Variants in GAREM1 observed in about 807,000 individuals in gnomAD.
GAREM1 encodes the protein GRB2-associated and regulator of MAPK protein 1.
Under a neutral mutation model 71.3 loss-of-function variants are expected in GAREM1, and 26 were observed. The observed-to-expected ratio is 0.36, with a 90% CI of 0.27 to 0.51. The LOEUF (loss-of-function observed/expected upper bound fraction) is 0.51. Among genes scored for constraint, GAREM1 ranks in the 20% least tolerant of loss-of-function variants. The pLI, the probability that GAREM1 is intolerant of heterozygous loss-of-function variation, is 0.95. For synonymous variants in GAREM1, 440 were observed against 433.2 expected, an observed-to-expected ratio of 1.02 and a Z score of -0.20; for missense variants, 1,026 against 1,103.1, an observed-to-expected ratio of 0.93 and a Z score of 0.99.
intron 2 of GAREM1, among the ~76,000 whole-genome samples, chr18:32,389,743 T>C (rs1355827183): frequency 6.6e-6 from 1 of 152,158 alleles, no homozygotes; most frequent in African/African-American, 2.4e-5. Flanking sequence ...GTCTCCACAA[T>C]GTACTATATG....
intron 2 of GAREM1, among the ~76,000 whole-genome samples, chr18:32,318,791 G>T (rs2047404402): frequency 6.6e-6 from 1 of 152,308 alleles, no homozygotes; most frequent in South Asian, 2.1e-4. Context: ...GTGTCCATCT[G>T]TGGACCCACA....
chr18:32,275,998 G>A (rs2041537507), intron 4 of GAREM1, among the ~76,000 whole-genome samples: 1 of 152,174 alleles, frequency 6.6e-6, no homozygotes, highest in South Asian at 2.1e-4. Context: ...TTTCTAAAAT[G>A]TTCAGTGTTT....
intron 2 of GAREM1, among the ~76,000 whole-genome samples, chr18:32,374,847 G>A (rs934525133): frequency 1.3e-5 from 2 of 152,138 alleles, no homozygotes; most frequent in African/African-American, 4.8e-5. Flanking sequence ...GAACTTTCAG[G>A]AAAGTAGCAG....
rs919794727 is a variant in GAREM1, at chr18:32,308,458, G to T, written c.393+1735C>A. On this transcript the variant is annotated intron_variant, in intron 3 of 5. Transcript: ENST00000269209. ...AAAAATCACTTAAAAATTTACATTT[G>T]ATTTCTTTATTAGCAAATGAAATAT... Among the ~76,000 whole-genome samples, 6 of 149,824 alleles carry T rather than the reference G, an allele frequency of 4.0e-5. 1 individual carries two copies. The highest frequency in any genetic ancestry group is 1.5e-4 in the African/African-American group (6 of 40,400).
intron 1 of GAREM1, among the ~76,000 whole-genome samples, chr18:32,467,128 C>T (rs770279905): frequency 2.0e-5 from 3 of 152,136 alleles, no homozygotes; most frequent in Non-Finnish European, 2.9e-5. Context: ...GACACATCTA[C>T]GTTACTAGGC....
chr18:32,403,013 G>A (rs926068729), intron 1 of GAREM1, among the ~76,000 whole-genome samples: 7 of 152,228 alleles, frequency 4.6e-5, no homozygotes, highest in Non-Finnish European at 7.4e-5. Flanking sequence ...TGCCTCCCAG[G>A]TTCAAGTGAT....
At chr18:32,364,407 G>A (rs979475415) in intron 2 of GAREM1, among the ~76,000 whole-genome samples, 2 of 151,674 alleles carry the variant, frequency 1.3e-5, no homozygotes, top group Non-Finnish European at 2.9e-5. Context: ...CTACCCACAC[G>A]TACACACATG....
intron 2 of GAREM1, among the ~76,000 whole-genome samples, chr18:32,322,687 C>T (rs1458074113): frequency 6.6e-6 from 1 of 152,166 alleles, no homozygotes; most frequent in East Asian, 1.9e-4. Flanking sequence ...GCAAGACACA[C>T]AGAAGGTGCC....
At chr18:32,334,732 T>C (rs1295188281) in intron 2 of GAREM1, among the ~76,000 whole-genome samples, 1 of 152,220 alleles carries the variant, frequency 6.6e-6, no homozygotes, top group Non-Finnish European at 1.5e-5. Context: ...CCTAATTTTG[T>C]CTACCTCTCT....
In GAREM1 at chr18:32,267,944, T is replaced by A. The variant is rs538330286; in HGVS notation, c.2558A>T (p.Glu853Val). Reference protein sequence around the residue: ...LVQLTEEILSEDFKLSKLQVK... With the variant: ...LVQLTEEILSVDFKLSKLQVK... ...CTGCAATTTGCTCAATTTGAAATCC[T>A]CTGAGAGGATTTCTTCCGTTAGCTG... is the stretch of plus-strand genomic sequence containing the variant. The change falls in exon 6 of 6, where the codon GAG (glutamate) becomes GTG (valine). Residue 853 changes from glutamate (E) to valine (V), a missense_variant. Physicochemically the swap from Glu to Val is moderately radical, Grantham distance 121. Transcript: ENST00000269209. 2 of 1,613,998 alleles carry A rather than the reference T, an allele frequency of 1.2e-6. No homozygotes were observed. Among genetic ancestry groups the A allele is most frequent in the Admixed American group, 3.3e-5 (2 of 60,002 alleles).
intron 3 of GAREM1, among the ~76,000 whole-genome samples, chr18:32,305,034 A>C (rs900555371): frequency 6.6e-6 from 1 of 152,122 alleles, no homozygotes; most frequent in Non-Finnish European, 1.5e-5. Flanking sequence ...ATTAAGAGAG[A>C]AAAAGCCTAT....
chr18:32,364,004 A>ATG (rs1256498695), intron 2 of GAREM1, among the ~76,000 whole-genome samples: 1 of 39,502 alleles, frequency 2.5e-5, no homozygotes, highest in African/African-American at 1.5e-4. Context: ...ACATATATAT[A>ATG]TATATATATA....
At chr18:32,440,903 T>C (rs574312768) in intron 1 of GAREM1, among the ~76,000 whole-genome samples, 135 of 152,234 alleles carry the variant, frequency 8.9e-4, no homozygotes, top group Non-Finnish European at 1.6e-3. Context: ...TTTTTGTCTC[T>C]ATGAGCCCAA....
intron 2 of GAREM1, among the ~76,000 whole-genome samples, chr18:32,315,550 T>C (rs1183376486): frequency 1.3e-5 from 2 of 149,144 alleles, no homozygotes; most frequent in Non-Finnish European, 3.0e-5. Context: ...TATATATATA[T>C]ACTTTTGCAT....
chr18:32,431,968 T>C (rs1413094452), intron 1 of GAREM1, among the ~76,000 whole-genome samples: 1 of 152,188 alleles, frequency 6.6e-6, no homozygotes, highest in Non-Finnish European at 1.5e-5. Context: ...GAAAATATTC[T>C]TGACAAATGA....
At chr18:32,278,005 T>TG (rs1312036176) in intron 4 of GAREM1, among the ~76,000 whole-genome samples, 1 of 152,198 alleles carries the variant, frequency 6.6e-6, no homozygotes, top group Non-Finnish European at 1.5e-5. Flanking sequence ...TGTCTAAGAC[T>TG]GGGGGCTTTT....
chr18:32,470,178 G>T lies in GAREM1; in HGVS notation c.121+130C>A. The T allele has an allele frequency of 8.5e-7, 1 of 1,177,214 alleles. No individual in the cohort carries two copies. The highest frequency in any genetic ancestry group is 1.1e-6 in the Non-Finnish European group (1 of 923,294). The allele number at this position is 1,177,214 out of a possible 1,614,324, so 72.9% of individuals were successfully genotyped here. ...CGCGCCAGGGCTGCGGCAGCCGCTC[G>T]GGCCAACTCCGGCGCTCAGGGGCGG... On this transcript the variant is annotated intron_variant, in intron 1 of 5. Coordinates refer to ENST00000269209, the MANE Select transcript of GAREM1 (RefSeq NM_001242409.2). This position sits in a 1 kb window ranked among gnomAD's most constrained non-coding sequence, Gnocchi z 4.4.
At chr18:32,338,914 A>C (rs1002920373) in intron 2 of GAREM1, among the ~76,000 whole-genome samples, 39 of 152,206 alleles carry the variant, frequency 2.6e-4, no homozygotes, top group Admixed American at 2.4e-3. Context: ...GACTCCCTCT[A>C]TAATGTGCGA....
chr18:32,309,370 C>G (rs184685329), intron 3 of GAREM1, among the ~76,000 whole-genome samples: 1 of 149,184 alleles, frequency 6.7e-6, no homozygotes, highest in Non-Finnish European at 1.5e-5. Flanking sequence ...AATCCCAGCA[C>G]TTTGGGAGGC....
Sources: allele counts gnomAD v4.1 joint callset (sites outside exome capture counted in the v4.1 genomes callset), GRCh38; gene constraint gnomAD v4.1.1; non-coding constraint Gnocchi (gnomAD v3.1); transcripts MANE v1.5; gene names NCBI Gene and HGNC (gene_info 2026-07-23, HGNC 2026-07-21).